Variants in FREM3 observed in about 807,000 individuals in gnomAD.
FREM3 encodes FRAS1-related extracellular matrix protein 3.
In FREM3, 105 loss-of-function variants were observed where a neutral mutation model predicts 129.1. The observed-to-expected ratio is 0.81, with a 90% confidence interval of 0.69 to 0.96. The LOEUF is 0.96. Among genes scored for constraint, FREM3 ranks in the 40% least tolerant of loss-of-function variants. The probability of loss-of-function intolerance (pLI) is 0.00; values close to 1 mark genes in which losing one functional copy is unlikely to be tolerated. For missense variants in FREM3, 2,593 were observed against 2,666.3 expected (o/e 0.97, Z 0.61); for synonymous variants, 1,014 against 1,044.9 (o/e 0.97, Z 0.57).
chr4:143,638,208 C>T (rs1423984933), intron 2 of FREM3, among the ~76,000 whole-genome samples: 1 of 152,084 alleles, frequency 6.6e-6, no homozygotes, highest in Non-Finnish European at 1.5e-5. Flanking sequence ...ACAGGGACAC[C>T]ACATTCTGCT....
At position 143,621,140 on chromosome 4, in the gene FREM3, C is replaced by T. The variant is rs1400719078; in HGVS notation, c.5676G>A (p.Glu1892=). 10 of 1,536,676 alleles carry T rather than the reference C, an allele frequency of 6.5e-6. No individual in the cohort carries two copies. The highest frequency in any genetic ancestry group is 1.4e-5 in the African/African-American group (1 of 73,006). ...TGTCCTCTTCTATTTTGTATTCCGC[C>T]TCTGGAATATAAACTGTTGATTCTA... ...PGDESTVYIP[E]AEYKIEEDIG... is the part of the protein sequence containing the mutation. Residue 1892 remains glutamate, a synonymous_variant, in exon 5 of 8, where the codon GAG becomes GAA. Coordinates refer to ENST00000329798, the MANE Select transcript of FREM3 (RefSeq NM_001168235.2).
chr4:143,679,674 G>C (rs1461818283), intron 2 of FREM3, among the ~76,000 whole-genome samples: 1 of 152,106 alleles, frequency 6.6e-6, no homozygotes, highest in Admixed American at 6.6e-5. Flanking sequence ...TTCTTCCCCA[G>C]ATTGGCTTTA....
intron 2 of FREM3, among the ~76,000 whole-genome samples, chr4:143,691,938 G>C (rs1296726951): frequency 1.3e-5 from 2 of 152,072 alleles, no homozygotes; most frequent in African/African-American, 4.8e-5. Context: ...CATCTTTTTA[G>C]TAACTTATGG....
intron 7 of FREM3, among the ~76,000 whole-genome samples, chr4:143,584,849 C>T (rs377126601): frequency 1.1e-4 from 16 of 152,274 alleles, no homozygotes; most frequent in African/African-American, 3.9e-4. Flanking sequence ...TGCACATACA[C>T]GTACTCTAAA....
chr4:143,677,879 G>C (rs1488894080), intron 2 of FREM3, among the ~76,000 whole-genome samples: 1 of 152,204 alleles, frequency 6.6e-6, no homozygotes, highest in Non-Finnish European at 1.5e-5. Context: ...TCATTAAAAA[G>C]TCAGGAAACA....
intron 2 of FREM3, among the ~76,000 whole-genome samples, chr4:143,682,412 A>G (rs1025345485): frequency 9.2e-5 from 14 of 152,172 alleles, no homozygotes; most frequent in African/African-American, 3.4e-4. Context: ...GTCTGCAACC[A>G]ATCAGACTGA....
At position 143,639,163 on chromosome 4, in the gene FREM3, A is replaced by C. The variant is rs77583452; in HGVS notation, c.5276-11403T>G. 8.3e-3 allele frequency among the ~76,000 whole-genome samples: 1,257 copies of C among 152,240 alleles called. 25 individuals are homozygous for C. The highest frequency in any genetic ancestry group is 0.029 in the African/African-American group (1,208 of 41,538). On this transcript the variant is annotated intron_variant, in intron 2 of 7. Coordinates refer to ENST00000329798, the MANE Select transcript of FREM3 (RefSeq NM_001168235.2). The stretch of plus-strand genomic sequence containing the variant: ...TTCAGTAAGAAGAGAACAGTTCTTC[A>C]CCCGCAGAAATCATAGAAGGAGATA...
At chr4:143,636,408 T>C (rs1458111026) in intron 2 of FREM3, among the ~76,000 whole-genome samples, 1 of 149,400 alleles carries the variant, frequency 6.7e-6, no homozygotes, top group African/African-American at 2.5e-5. Context: ...AAGGCTCTGA[T>C]AGGACCAGCC....
Position 143,696,554 on chromosome 4 carries a change from G to C in FREM3, c.4122C>G (p.Asn1374Lys). The change falls in exon 1 of 8, where the codon AAC (asparagine) becomes AAG (lysine). Residue 1374 changes from asparagine to lysine, a missense_variant. Coordinates refer to ENST00000329798, the MANE Select transcript of FREM3 (RefSeq NM_001168235.2). ...CTCTGTTAATCTCATCCTGGGTAAA[G>C]TTCATTCCCAGAGTAAGATTGTTCC... Reference protein sequence around the residue: ...EVRNNLTLGMNFTQDEINRGL... With the variant: ...EVRNNLTLGMKFTQDEINRGL... 6.5e-7 allele frequency: 1 copy of C among 1,537,466 alleles called. No individual in the cohort carries two copies. The highest frequency in any genetic ancestry group is 2.4e-5 in the East Asian group (1 of 40,908).
chr4:143,671,490 A>G (rs193062947), intron 2 of FREM3, among the ~76,000 whole-genome samples: 2 of 152,272 alleles, frequency 1.3e-5, no homozygotes, highest in African/African-American at 4.8e-5. Context: ...ACACACACAT[A>G]TACATATTTG....
chr4:143,652,146 CTTTTTTTTTTTTTTTT>C lies in FREM3; in HGVS notation c.5276-24402_5276-24387del, dbSNP rs1030414098. On this transcript the variant is annotated intron_variant, in intron 2 of 7. Coordinates refer to ENST00000329798, the MANE Select transcript of FREM3 (RefSeq NM_001168235.2). ...TTCATTCAAATGGTCTTTTTCCTTT[CTTTTTTTTTTTTTTTT>C]TTTTTTTTTTTGAGACGGAGTCTCG... Among the ~76,000 whole-genome samples, 33 of 58,528 alleles carry C rather than the reference CTTTTTTTTTTTTTTTT, an allele frequency of 5.6e-4. 11 individuals are homozygous for C. The Admixed American group carries it at 5.8e-3, about 10-fold the overall frequency. 38.4% of individuals were successfully genotyped at this position (58,528 alleles called of 152,430 possible).
chr4:143,648,975 G>T (rs1279053733), intron 2 of FREM3, among the ~76,000 whole-genome samples: 1 of 152,038 alleles, frequency 6.6e-6, no homozygotes, highest in Admixed American at 6.6e-5. Context: ...TGTTGCCTAG[G>T]CTGGTCTCAA....
chr4:143,578,797 G>A (rs945371364), intron 7 of FREM3, among the ~76,000 whole-genome samples: 1 of 152,208 alleles, frequency 6.6e-6, no homozygotes, highest in Non-Finnish European at 1.5e-5. Flanking sequence ...GCATCAAGGT[G>A]TTGAGAGGAC....
chr4:143,584,051 G>C (rs1738193792), intron 7 of FREM3, among the ~76,000 whole-genome samples: 1 of 152,110 alleles, frequency 6.6e-6, no homozygotes, highest in Non-Finnish European at 1.5e-5. Context: ...ACCACATGCT[G>C]TCTTCAAAAG....
intron 2 of FREM3, among the ~76,000 whole-genome samples, chr4:143,646,300 T>C (rs1218334081): frequency 6.6e-6 from 1 of 152,210 alleles, no homozygotes; most frequent in Non-Finnish European, 1.5e-5. Flanking sequence ...GTTGCAAAAT[T>C]GATGCATTAG....
At chr4:143,596,256 A>G (rs571913800) in intron 6 of FREM3, among the ~76,000 whole-genome samples, 6 of 152,366 alleles carry the variant, frequency 3.9e-5, no homozygotes, top group Middle Eastern at 3.4e-3. Flanking sequence ...ACATCTGTCC[A>G]GTGTCAGTGT....
intron 5 of FREM3, among the ~76,000 whole-genome samples, chr4:143,616,916 A>G (rs1738862605): frequency 6.6e-6 from 1 of 152,206 alleles, no homozygotes; most frequent in African/African-American, 2.4e-5. Context: ...TTTACTACGC[A>G]GTTCTTTTTA....
intron 2 of FREM3, among the ~76,000 whole-genome samples, chr4:143,655,018 T>A (rs1312719400): frequency 2.6e-5 from 4 of 152,236 alleles, no homozygotes; most frequent in African/African-American, 9.6e-5. Context: ...CCCTCCATCC[T>A]CCATTTCCAC....
intron 2 of FREM3, among the ~76,000 whole-genome samples, chr4:143,646,615 A>G (rs1163646717): frequency 6.6e-6 from 1 of 152,142 alleles, no homozygotes; most frequent in Admixed American, 6.5e-5. Flanking sequence ...CCAAGTGAAG[A>G]AGGACATGTT....
Sources: allele counts gnomAD v4.1 joint callset (sites outside exome capture counted in the v4.1 genomes callset), GRCh38; gene constraint gnomAD v4.1.1; transcripts MANE v1.5; gene names NCBI Gene and HGNC (gene_info 2026-07-23, HGNC 2026-07-21).